The following BMP6 variants were observed in gnomAD, a reference collection of about 807,000 sequenced individuals.
BMP6 encodes bone morphogenetic protein 6.
In BMP6, 17 loss-of-function variants were observed where a neutral mutation model predicts 54.1. The ratio of observed to expected loss-of-function variants is 0.31; its 90% CI spans 0.22 to 0.47. BMP6 has a LOEUF of 0.47. Ranked by LOEUF, BMP6 falls within the 20% of genes least tolerant of loss-of-function variation. BMP6 has a pLI of 1.00. For missense variants in BMP6, 720 were observed against 690.4 expected (o/e 1.04, Z -0.48); for synonymous variants, 328 against 291.2 (o/e 1.13, Z -1.28).
At chr6:7,804,204 C>G (rs769709012) in intron 1 of BMP6, among the ~76,000 whole-genome samples, 11 of 152,136 alleles carry the variant, frequency 7.2e-5, no homozygotes, top group Non-Finnish European at 1.0e-4. Flanking sequence ...CTAAGGAATT[C>G]TGATCTCTCA....
intron 1 of BMP6, among the ~76,000 whole-genome samples, chr6:7,731,076 T>G (rs1761847624): frequency 6.6e-6 from 1 of 152,032 alleles, no homozygotes; most frequent in Admixed American, 6.5e-5. Flanking sequence ...ACCAGCTCAT[T>G]GTTGTTTATG....
chr6:7,857,884 C>G (rs763026265), intron 2 of BMP6, among the ~76,000 whole-genome samples: 77 of 152,178 alleles, frequency 5.1e-4, no homozygotes, highest in Non-Finnish European at 5.7e-4. Context: ...AAGTTCCTCT[C>G]CCTCGTGGTG....
chr6:7,857,465 C>G (rs1371442420), intron 2 of BMP6, among the ~76,000 whole-genome samples: 1 of 152,188 alleles, frequency 6.6e-6, no homozygotes, highest in African/African-American at 2.4e-5. Context: ...AAATTATCTT[C>G]CCTTGTTTCA....
At chr6:7,822,573 T>G (rs1758627575) in intron 1 of BMP6, among the ~76,000 whole-genome samples, 1 of 152,176 alleles carries the variant, frequency 6.6e-6, no homozygotes, top group East Asian at 1.9e-4. Context: ...TGGGAGCGTG[T>G]GTACAAATAC....
At chr6:7,772,087 C>T (rs993877250) in intron 1 of BMP6, among the ~76,000 whole-genome samples, 6 of 151,876 alleles carry the variant, frequency 4.0e-5, no homozygotes, top group African/African-American at 1.4e-4. Context: ...AAAAACAAAC[C>T]CAAAAAAACC....
intron 1 of BMP6, among the ~76,000 whole-genome samples, chr6:7,752,036 G>T (rs533950133): frequency 3.7e-4 from 56 of 152,190 alleles, no homozygotes; most frequent in Non-Finnish European, 6.6e-4. Flanking sequence ...TACTGTGATA[G>T]TTGATAGCTT....
chr6:7,781,221 A>C (rs1159485999), intron 1 of BMP6, among the ~76,000 whole-genome samples: 2 of 152,222 alleles, frequency 1.3e-5, no homozygotes, highest in Non-Finnish European at 2.9e-5. Flanking sequence ...CAAAATAAGT[A>C]GTATCGTTAC....
intron 1 of BMP6, among the ~76,000 whole-genome samples, chr6:7,757,588 A>AT (rs956064736): frequency 1.3e-5 from 2 of 152,196 alleles, no homozygotes; most frequent in African/African-American, 4.8e-5. Flanking sequence ...AAGGACGTGA[A>AT]TTTTGGGGGG....
intron 2 of BMP6, among the ~76,000 whole-genome samples, chr6:7,847,175 T>C (rs774402290): frequency 1.7e-4 from 26 of 152,252 alleles, no homozygotes; most frequent in Admixed American, 3.3e-4. Flanking sequence ...TCCTGAATGG[T>C]CCCAACCTTT....
At chr6:7,795,635 G>A (rs564261857) in intron 1 of BMP6, among the ~76,000 whole-genome samples, 1 of 152,296 alleles carries the variant, frequency 6.6e-6, no homozygotes, top group Admixed American at 6.5e-5. Flanking sequence ...GGGTGGCAAC[G>A]AAGAGAGTGC....
At chr6:7,730,941 T>C (rs1018541498) in intron 1 of BMP6, among the ~76,000 whole-genome samples, 4 of 152,224 alleles carry the variant, frequency 2.6e-5, no homozygotes, top group Non-Finnish European at 5.9e-5. Flanking sequence ...TCCCTGGGAC[T>C]GGGGGAATAA....
Position 7,856,595 on chromosome 6 carries a change from A to ATTTTTTTTTTTTTTTTTTTTTTTTTT in BMP6, c.858-4837_858-4836insTTTTTTTTTTTTTTTTTTTTTTTTTT, listed in dbSNP as rs70982115. ...ATATAAATGCCAGTTTATCAAGAGC[A>ATTTTTTTTTTTTTTTTTTTTTTTTTT]TTTTTTTTTTTTTTTTTTTGAGACG... On this transcript the variant is annotated intron_variant, in intron 2 of 6. Transcript: ENST00000283147. Among the ~76,000 whole-genome samples the ATTTTTTTTTTTTTTTTTTTTTTTTTT allele has an allele frequency of 1.8e-4, 15 of 83,050 alleles. 3 individuals are homozygous for ATTTTTTTTTTTTTTTTTTTTTTTTTT. Among genetic ancestry groups the ATTTTTTTTTTTTTTTTTTTTTTTTTT allele is most frequent in the Middle Eastern group, 9.7e-3 (2 of 206 alleles). The allele number at this position is 83,050 out of a possible 152,430, so 54.5% of individuals were successfully genotyped here.
In BMP6 at chr6:7,727,286, G is replaced by C. The variant is rs1333511155; in HGVS notation, c.331G>C (p.Glu111Gln). The C allele has an allele frequency of 5.0e-6, 8 of 1,606,694 alleles. No homozygotes were observed. The highest frequency in any genetic ancestry group is 6.8e-6 in the Non-Finnish European group (8 of 1,177,418). The change falls in exon 1 of 7, where the codon GAG becomes CAG. Residue 111 changes from glutamate to glutamine, a missense_variant. This residue lies in a region of BMP6 where 650 missense variants were observed against 556.3 expected (regional missense o/e 1.17). Coordinates refer to ENST00000283147, the MANE Select transcript of BMP6 (RefSeq NM_001718.6). ...QPQPPALRQQ[E>Q]EQQQQQQLPR... ...GCAGCCCCCGGCGCTCCGGCAGCAG[G>C]AGGAGCAGCAGCAGCAGCAGCAGCT...
At chr6:7,776,025 C>T (rs1269997077) in intron 1 of BMP6, among the ~76,000 whole-genome samples, 1 of 152,188 alleles carries the variant, frequency 6.6e-6, no homozygotes, top group Non-Finnish European at 1.5e-5. Context: ...AACAGCACTT[C>T]AAGTACACTT....
chr6:7,773,142 A>G (rs1283236709), intron 1 of BMP6, among the ~76,000 whole-genome samples: 1 of 152,164 alleles, frequency 6.6e-6, no homozygotes, highest in Non-Finnish European at 1.5e-5. Flanking sequence ...ATTTTGCCCA[A>G]CTGATGCCTG....
At chr6:7,863,181 G>A (rs968073464) in intron 4 of BMP6, among the ~76,000 whole-genome samples, 7 of 152,038 alleles carry the variant, frequency 4.6e-5, no homozygotes, top group Non-Finnish European at 1.0e-4. Context: ...TGTATTTTTA[G>A]TAAAGACAGG....
Position 7,844,760 on chromosome 6 carries a change from G to A in BMP6, c.665-380G>A, listed in dbSNP as rs185723060. On this transcript the variant is annotated intron_variant, in intron 1 of 6. Coordinates refer to ENST00000283147, the MANE Select transcript of BMP6 (RefSeq NM_001718.6). ...AGGACATAACGGGGCCAGGATGGGC[G>A]GACGGGTTCTTCTTCATTGCTTCAT... Among the ~76,000 whole-genome samples, 794 of 152,204 alleles carry A rather than the reference G, an allele frequency of 5.2e-3. 6 individuals are homozygous for A. The highest frequency in any genetic ancestry group is 0.013 in the Admixed American group (202 of 15,304).
intron 1 of BMP6, among the ~76,000 whole-genome samples, chr6:7,738,383 T>G (rs1475351888): frequency 6.6e-6 from 1 of 152,182 alleles, no homozygotes; most frequent in South Asian, 2.1e-4. Flanking sequence ...GCTCTGCTCT[T>G]CTGTGGCTCC....
At chr6:7,824,071 G>T (rs562625632) in intron 1 of BMP6, among the ~76,000 whole-genome samples, 5 of 152,340 alleles carry the variant, frequency 3.3e-5, no homozygotes, top group African/African-American at 1.2e-4. Context: ...AACAGATGGT[G>T]ATGGTTTAGT....
Sources: gnomAD v4.1 joint callset for allele counts (sites outside exome capture counted in the v4.1 genomes callset) on GRCh38, gnomAD v4.1.1 for gene constraint, gnomAD v4.1.1 regional missense constraint, MANE v1.5 for transcripts, NCBI Gene and HGNC (gene_info 2026-07-23, HGNC 2026-07-21) for gene names.